The following FLT3 variants were observed in gnomAD, a reference collection of about 807,000 sequenced individuals.
The protein encoded by FLT3 is receptor-type tyrosine-protein kinase FLT3.
FLT3 carries 46 observed loss-of-function variants against 126.6 expected under a neutral mutation model. The observed-to-expected ratio is 0.36, with a 90% CI of 0.29 to 0.46. The LOEUF (loss-of-function observed/expected upper bound fraction) is 0.46, where lower values mean the gene tolerates loss of function less well. FLT3 is among the 20% of genes least tolerant of loss of function. The pLI is 1.00. For missense variants in FLT3, 1,069 were observed against 1,190.3 expected, an observed-to-expected ratio of 0.90 and a Z score of 1.50; for synonymous variants, 404 against 434.4, an observed-to-expected ratio of 0.93 and a Z score of 0.87.
rs150486930 is a variant in FLT3, at chr13:28,011,189, A to C, written c.2859+3263T>G. ...GCTGGGCGTGGTGGCGCGTGCCTGT[A>C]GTCCCAGCTACTCAGGAGGCTGAGG... On this transcript the variant is annotated intron_variant, in intron 23 of 23. Coordinates refer to ENST00000241453, the MANE Select transcript of FLT3 (RefSeq NM_004119.3). Among the ~76,000 whole-genome samples the C allele has an allele frequency of 6.6e-5, 10 of 151,076 alleles. 1 individual carries two copies. In the East Asian group the frequency reaches 2.0e-3, roughly 29 times the overall value.
At chr13:28,088,828 C>T (rs528704406) in intron 1 of FLT3, among the ~76,000 whole-genome samples, 1 of 151,976 alleles carries the variant, frequency 6.6e-6, no homozygotes, top group Non-Finnish European at 1.5e-5. Context: ...TGGTGATCCG[C>T]CTGCCTCGGC....
intron 1 of FLT3, chr13:28,073,246 T>C (rs1045851483): frequency 9.9e-6 from 2 of 201,302 alleles, no homozygotes; most frequent in African/African-American, 4.8e-5. Context: ...CTCAGAAGGC[T>C]GAGGTGGGAA....
chr13:28,061,822 C>T (rs1306476687), intron 3 of FLT3, 45 bp downstream of exon 3: 1 of 1,482,748 alleles, frequency 6.7e-7, no homozygotes, highest in Middle Eastern at 1.8e-4. Context: ...AAACAAAATT[C>T]CAAATGAACC....
intron 11 of FLT3, 67 bp from the exon 12 acceptor site, chr13:28,035,740 G>A: frequency 6.7e-7 from 1 of 1,496,252 alleles, no homozygotes; most frequent in Non-Finnish European, 9.1e-7. Context: ...TAGGATTTCT[G>A]CAGCGAGTTC....
intron 3 of FLT3, among the ~76,000 whole-genome samples, chr13:28,058,274 G>C (rs1408851215): frequency 1.3e-5 from 2 of 150,322 alleles, no homozygotes; most frequent in East Asian, 2.0e-4. Context: ...CAGCACTTTG[G>C]GAGGCTGAAG....
At chr13:28,015,937 G>C (rs905364675) in intron 20 of FLT3, among the ~76,000 whole-genome samples, 2 of 152,110 alleles carry the variant, frequency 1.3e-5, no homozygotes, top group African/African-American at 4.8e-5. Flanking sequence ...GCTTGTGCTT[G>C]GAATGGGTAA....
At chr13:28,088,911 A>T (rs1207390633) in intron 1 of FLT3, among the ~76,000 whole-genome samples, 1 of 152,178 alleles carries the variant, frequency 6.6e-6, no homozygotes, top group Admixed American at 6.5e-5. Flanking sequence ...AATGAAGACA[A>T]GCCACAGACT....
intron 9 of FLT3, among the ~76,000 whole-genome samples, chr13:28,042,193 A>T (rs1874458006): frequency 1.3e-5 from 2 of 148,570 alleles, no homozygotes; most frequent in Admixed American, 1.3e-4. Flanking sequence ...AATAATAAAT[A>T]AAAATGTCAA....
intron 15 of FLT3, among the ~76,000 whole-genome samples, chr13:28,028,516 G>A (rs929446408): frequency 6.6e-6 from 1 of 152,014 alleles, no homozygotes; most frequent in Non-Finnish European, 1.5e-5. Context: ...GGCCAATATG[G>A]TGAAACCTCG....
intron 2 of FLT3, among the ~76,000 whole-genome samples, chr13:28,065,267 T>C (rs1387864156): frequency 2.0e-5 from 3 of 152,226 alleles, no homozygotes; most frequent in African/African-American, 7.2e-5. Context: ...GAGACAGTGA[T>C]ACTTCTCTGA....
Position 28,037,167 on chromosome 13 carries a change from C to A in FLT3, c.1309+18G>T, listed in dbSNP as rs751300012. On this transcript the variant is annotated intron_variant, in intron 10 of 23. Coordinates refer to ENST00000241453, the MANE Select transcript of FLT3 (RefSeq NM_004119.3). ...GGAATTAAAAAATAAAAATCAAATT[C>A]TCGGCAATTTAACTTACTTCTTATA... 2 of 1,381,726 alleles carry A rather than the reference C, an allele frequency of 1.4e-6. No homozygotes were observed. Among genetic ancestry groups the A allele is most frequent in the Non-Finnish European group, 1.0e-6 (1 of 973,168 alleles). The allele number at this position is 1,381,726 out of a possible 1,614,324, so 85.6% of individuals were successfully genotyped here. A position where few individuals can be genotyped will look rare whatever the true frequency, so the allele number is the denominator to read the frequency against.
intron 8 of FLT3, among the ~76,000 whole-genome samples, 187 bp downstream of exon 8, chr13:28,049,197 G>A (rs1389624079): frequency 6.6e-6 from 1 of 152,168 alleles, no homozygotes; most frequent in Non-Finnish European, 1.5e-5. Context: ...GCATTCAAGC[G>A]AGCCTGGTTT....
At chr13:28,051,547 C>CTTTTT (rs757834414) in intron 5 of FLT3, among the ~76,000 whole-genome samples, 3 of 89,934 alleles carry the variant, frequency 3.3e-5, no homozygotes, top group Non-Finnish European at 4.7e-5. Flanking sequence ...TATAATTTCC[C>CTTTTT]TTTTTTTTTT....
At chr13:28,050,979 C>A (rs564064876) in intron 5 of FLT3, among the ~76,000 whole-genome samples, 5 of 152,284 alleles carry the variant, frequency 3.3e-5, no homozygotes, top group African/African-American at 1.2e-4. Context: ...AGGCACTGTT[C>A]TATGTGCTTT....
intron 2 of FLT3, among the ~76,000 whole-genome samples, chr13:28,063,868 C>T (rs1255923509): frequency 1.3e-5 from 2 of 152,050 alleles, no homozygotes; most frequent in African/African-American, 4.8e-5. Flanking sequence ...TTGTAAGTGC[C>T]CTGGAACTTC....
intron 1 of FLT3, among the ~76,000 whole-genome samples, chr13:28,074,118 G>C (rs1877767589): frequency 6.6e-6 from 1 of 152,074 alleles, no homozygotes. Context: ...AGACTGGTTT[G>C]AATTTTCTAA....
At chr13:28,043,339 A>C (rs1874554389) in intron 9 of FLT3, among the ~76,000 whole-genome samples, 2 of 152,214 alleles carry the variant, frequency 1.3e-5, no homozygotes, top group Non-Finnish European at 2.9e-5. Context: ...CTAGAAAGTT[A>C]TAATTTAATA....
intron 17 of FLT3, among the ~76,000 whole-genome samples, chr13:28,026,072 C>G (rs1161248257): frequency 6.6e-6 from 1 of 152,064 alleles, no homozygotes; most frequent in Non-Finnish European, 1.5e-5. Context: ...AAGGCTCAGC[C>G]AGGTGCGGTG....
In FLT3 at chr13:28,100,560, G is replaced by A. The variant is rs1879770571; in HGVS notation, c.-50C>T. 8.7e-7 allele frequency: 1 copy of A among 1,153,484 alleles called. No individual in the cohort carries two copies. The highest frequency in any genetic ancestry group is 1.1e-6 in the Non-Finnish European group (1 of 922,528). The allele number at this position is 1,153,484 out of a possible 1,614,324, so 71.5% of individuals were successfully genotyped here. A position where few individuals can be genotyped will look rare whatever the true frequency, so the allele number is the denominator to read the frequency against. On this transcript the variant is annotated 5_prime_UTR_variant, in exon 1 of 24. Coordinates refer to ENST00000241453, the MANE Select transcript of FLT3 (RefSeq NM_004119.3). The surrounding 1 kb of genome is among the most constrained non-coding windows in gnomAD (Gnocchi z 4.8). ...GGCCGCGCCGGCCCAGCCCTGCGAT[G>A]CCGCCTGGAGCGGCGCGCCTCGCGC...
Sources: gnomAD v4.1 joint callset for allele counts (sites outside exome capture counted in the v4.1 genomes callset) on GRCh38, gnomAD v4.1.1 for gene constraint, Gnocchi (gnomAD v3.1) non-coding constraint, MANE v1.5 for transcripts, NCBI Gene and HGNC (gene_info 2026-07-23, HGNC 2026-07-21) for gene names.